CYB5R4: variants seen among roughly 807,000 people sequenced by gnomAD.
The protein encoded by CYB5R4 is cytochrome b5 reductase 4, also known as N-terminal cytochrome b5 and cytochrome b5 oxidoreductase domain-containing protein.
In CYB5R4, 55 loss-of-function variants were observed where a neutral mutation model predicts 70.2. That is an observed-to-expected ratio of 0.78 (90% CI 0.63 to 0.98). CYB5R4 has a LOEUF of 0.98. Among genes scored for constraint, CYB5R4 ranks in the 50% least tolerant of loss-of-function variants. CYB5R4 has a pLI of 0.00. For missense variants in CYB5R4, 562 were observed against 612.6 expected, an observed-to-expected ratio of 0.92 and a Z score of 0.87; for synonymous variants, 197 against 199.5, an observed-to-expected ratio of 0.99 and a Z score of 0.11.
intron 3 of CYB5R4, among the ~76,000 whole-genome samples, chr6:83,897,815 G>T (rs777732495): frequency 7.9e-5 from 12 of 151,946 alleles, no homozygotes; most frequent in African/African-American, 1.5e-4. Flanking sequence ...TGAGAAGATT[G>T]CAGAAATTTT....
At chr6:83,880,613 T>C (rs1015281743) in intron 2 of CYB5R4, among the ~76,000 whole-genome samples, 1 of 152,232 alleles carries the variant, frequency 6.6e-6, no homozygotes, top group African/African-American at 2.4e-5. Context: ...AATTTTTTTT[T>C]CAAAACATTT....
chr6:83,934,727 C>G lies in CYB5R4; in HGVS notation c.947C>G (p.Pro316Arg), dbSNP rs769521610. The change falls in exon 11 of 16, where the codon CCT (proline) becomes CGT (arginine). Residue 316 changes from proline (P) to arginine (R), a missense_variant. Transcript: ENST00000369681. ...GGGCAACATGTTTACCTCAAGCTAC[C>G]TATTACAGGTAAGGTGAATAGAGGC... ...PIGQHVYLKL[P>R]ITGTEIVKPY... The G allele has an allele frequency of 5.6e-6, 9 of 1,612,050 alleles. No homozygotes were observed. The East Asian group carries it at 2.0e-4, about 36-fold the overall frequency.
intron 4 of CYB5R4, among the ~76,000 whole-genome samples, chr6:83,913,800 T>G (rs1376638001): frequency 1.3e-5 from 2 of 152,310 alleles, no homozygotes; most frequent in East Asian, 3.9e-4. Flanking sequence ...AGTTTGACTA[T>G]AATGGTATAA....
intron 1 of CYB5R4, among the ~76,000 whole-genome samples, chr6:83,863,666 C>T (rs988274079): frequency 6.6e-6 from 1 of 151,804 alleles, no homozygotes; most frequent in East Asian, 1.9e-4. Context: ...CCCTGGGTTC[C>T]GCGTCCAAGG....
chr6:83,912,166 A>G (rs1227340577), intron 4 of CYB5R4, among the ~76,000 whole-genome samples: 1 of 151,892 alleles, frequency 6.6e-6, no homozygotes, highest in Admixed American at 6.6e-5. Context: ...TCCTTATCAT[A>G]GTTCTGCCTC....
At chr6:83,862,213 T>C (rs182467962) in intron 1 of CYB5R4, among the ~76,000 whole-genome samples, 30 of 152,344 alleles carry the variant, frequency 2.0e-4, no homozygotes, top group Admixed American at 1.3e-3. Context: ...CCTGAGGCTT[T>C]TATTCAGATC....
intron 14 of CYB5R4, among the ~76,000 whole-genome samples, chr6:83,946,650 A>G (rs1434987133): frequency 6.6e-6 from 1 of 152,232 alleles, no homozygotes; most frequent in Non-Finnish European, 1.5e-5. Context: ...TCCAGATGAC[A>G]TGATTGTATA....
chr6:83,859,910 A>G lies in CYB5R4; in HGVS notation c.75+53A>G, dbSNP rs2099455669. Reference sequence around the variant, plus strand: ...CCCTCGCTGCGTTTCGAGCTCTGGCAGTGTGTTCTCTTCTTCCGCCCCAAC... The same window carrying G: ...CCCTCGCTGCGTTTCGAGCTCTGGCGGTGTGTTCTCTTCTTCCGCCCCAAC... On this transcript the variant is annotated intron_variant, in intron 1 of 15. Transcript: ENST00000369681. 7 of 1,523,242 alleles carry G rather than the reference A, an allele frequency of 4.6e-6. No individual in the cohort carries two copies. The South Asian group carries it at 8.4e-5, about 18-fold the overall frequency. The allele number at this position is 1,523,242 out of a possible 1,614,324, so 94.4% of individuals were successfully genotyped here.
chr6:83,942,904 G>A (rs943319788), intron 14 of CYB5R4, among the ~76,000 whole-genome samples: 1 of 152,136 alleles, frequency 6.6e-6, no homozygotes, highest in Admixed American at 6.5e-5. Context: ...TAGCCAGACT[G>A]CCTCTCTAGA....
intron 8 of CYB5R4, among the ~76,000 whole-genome samples, chr6:83,921,518 GC>G (rs1177270219): frequency 1.3e-5 from 2 of 152,298 alleles, no homozygotes; most frequent in African/African-American, 4.8e-5. Flanking sequence ...TCGCTAGGTG[GC>G]CCATTCCACT....
At chr6:83,869,198 C>T (rs924434862) in intron 2 of CYB5R4, among the ~76,000 whole-genome samples, 15 of 152,060 alleles carry the variant, frequency 9.9e-5, no homozygotes, top group Admixed American at 2.6e-4. Flanking sequence ...GAAGTGGATC[C>T]TAAGAAGTAG....
At position 83,939,465 on chromosome 6, in the gene CYB5R4, T is replaced by G. The variant is rs941306636; in HGVS notation, c.1109-591T>G. ...TGCATTTCTGATCTTGCTTTGTTTT[T>G]ATGGGAATTAAACTCAGAATAGCCC... On this transcript the variant is annotated intron_variant, in intron 12 of 15. Coordinates refer to ENST00000369681, the MANE Select transcript of CYB5R4 (RefSeq NM_016230.4). 5.3e-5 allele frequency among the ~76,000 whole-genome samples: 8 copies of G among 152,220 alleles called. 1 individual carries two copies. The highest frequency in any genetic ancestry group is 1.0e-4 in the Non-Finnish European group (7 of 68,028).
intron 4 of CYB5R4, among the ~76,000 whole-genome samples, chr6:83,912,307 CTT>C (rs1294258614): frequency 6.6e-6 from 1 of 152,070 alleles, no homozygotes. Flanking sequence ...ATTTTTCTAA[CTT>C]TTTATCCAAA....
intron 2 of CYB5R4, among the ~76,000 whole-genome samples, chr6:83,890,992 G>A (rs913873485): frequency 3.3e-5 from 5 of 152,038 alleles, no homozygotes; most frequent in African/African-American, 1.2e-4. Context: ...TTTCTGGCTG[G>A]AGTGCAGTGG....
intron 14 of CYB5R4, among the ~76,000 whole-genome samples, chr6:83,941,758 A>G (rs2099469801): frequency 6.6e-6 from 1 of 152,212 alleles, no homozygotes; most frequent in Non-Finnish European, 1.5e-5. Context: ...AAGAACATTT[A>G]TTATAAGTAG....
At chr6:83,918,140 A>G in intron 6 of CYB5R4, 75 bp downstream of exon 6, 2 of 1,133,926 alleles carry the variant, frequency 1.8e-6, no homozygotes, top group South Asian at 2.7e-5. Context: ...AAAATAAAGT[A>G]GCTCTGGGTT....
intron 4 of CYB5R4, among the ~76,000 whole-genome samples, chr6:83,911,325 A>C (rs1188470557): frequency 6.6e-6 from 1 of 152,162 alleles, no homozygotes; most frequent in Non-Finnish European, 1.5e-5. Context: ...AGAGATATGG[A>C]GGAATTTCTA....
At position 83,958,761 on chromosome 6, in the gene CYB5R4, A is replaced by G. The variant is rs561539951; in HGVS notation, c.1512-1063A>G. Among the ~76,000 whole-genome samples the G allele has an allele frequency of 3.3e-5, 5 of 152,258 alleles. No homozygotes were observed. In the South Asian group the frequency reaches 8.3e-4, roughly 25 times the overall value. On this transcript the variant is annotated intron_variant, in intron 15 of 15. Transcript: ENST00000369681. ...AATCCCAGGTCTACCACTTACAAGC[A>G]TCTTACAATCATTTGCTGGGTGTCC... is the stretch of plus-strand genomic sequence containing the variant.
At chr6:83,912,860 T>C (rs2129138379) in intron 4 of CYB5R4, among the ~76,000 whole-genome samples, 1 of 152,328 alleles carries the variant, frequency 6.6e-6, no homozygotes, top group Non-Finnish European at 1.5e-5. Context: ...CTCTTTCTAC[T>C]AGTACTTCTT....
Sources: allele counts gnomAD v4.1 joint callset (sites outside exome capture counted in the v4.1 genomes callset), GRCh38; gene constraint gnomAD v4.1.1; transcripts MANE v1.5; gene names NCBI Gene and HGNC (gene_info 2026-07-23, HGNC 2026-07-21).